Variants in POLE observed in about 807,000 individuals in gnomAD.
POLE encodes the protein DNA polymerase epsilon, catalytic subunit.
In POLE, 188 loss-of-function variants were observed where a neutral mutation model predicts 279.2. The observed-to-expected ratio is 0.67, with a 90% confidence interval of 0.60 to 0.76. The LOEUF is 0.76. Among genes scored for constraint, POLE ranks in the 30% least tolerant of loss-of-function variants. The pLI, the probability that POLE is intolerant of heterozygous loss-of-function variation, is 0.00. For missense variants in POLE, 2,703 were observed against 3,016.7 expected, an observed-to-expected ratio of 0.90 and a Z score of 2.44; for synonymous variants, 1,214 against 1,172.5, an observed-to-expected ratio of 1.04 and a Z score of -0.72.
chr12:132,625,902 G>A (rs1384408482), intron 46 of POLE, 132 bp from the exon 47 acceptor site: 11 of 1,299,036 alleles, frequency 8.5e-6, no homozygotes, highest in East Asian at 2.4e-5. Context: ...GCAGCTGCAC[G>A]CACTCTGGCC....
chr12:132,661,166 TGAA>T lies in POLE; in HGVS notation c.2865-5_2865-3del. ...CCGTCTTCATTGAACACAGCATACC[TGAA>T]AAAAAAAAAAAAGGCAAGCACAGCA... On this transcript the variant is annotated splice_region_variant and splice_polypyrimidine_tract_variant and intron_variant, in intron 24 of 48. Transcript: ENST00000320574. This position sits in a 1 kb window ranked among gnomAD's most constrained non-coding sequence, Gnocchi z 4.1. The T allele has an allele frequency of 6.6e-7, 1 of 1,518,842 alleles. No homozygotes were observed. Among genetic ancestry groups the T allele is most frequent in the Non-Finnish European group, 8.8e-7 (1 of 1,136,368 alleles). 94.1% of individuals were successfully genotyped at this position (1,518,842 alleles called of 1,614,324 possible). A position where few individuals can be genotyped will look rare whatever the true frequency, so the allele number is the denominator to read the frequency against.
In POLE at chr12:132,680,637, G is replaced by A. The variant is rs780854707; in HGVS notation, c.255C>T (p.Tyr85=). Residue 85 remains tyrosine (Y), a synonymous_variant, in exon 3 of 49, where the codon TAC becomes TAT. Transcript: ENST00000320574. Reference sequence around the variant, plus strand: ...ATCTGCTTCCGTCATCTTGAATAAAGTAGTAATCCACTGCACTGCCTAAGC... The same window carrying A: ...ATCTGCTTCCGTCATCTTGAATAAAATAGTAATCCACTGCACTGCCTAAGC... The part of the protein sequence containing the change: ...DKRLGSAVDY[Y]FIQDDGSRFK... 2 of 1,613,994 alleles carry A rather than the reference G, an allele frequency of 1.2e-6. No homozygotes were observed. The highest frequency in any genetic ancestry group is 1.1e-5 in the South Asian group (1 of 91,088).
At position 132,675,335 on chromosome 12, in the gene POLE, A is replaced by C; in HGVS notation, c.1226+63T>G. On this transcript the variant is annotated intron_variant, in intron 12 of 48. Coordinates refer to ENST00000320574, the MANE Select transcript of POLE (RefSeq NM_006231.4). The surrounding 1 kb of genome is among the most constrained non-coding windows in gnomAD (Gnocchi z 4.3). ...GAGATGTGGTGACAGCACAGTCTGC[A>C]AGAGGCCTTCAGATCTCGCTCACGG... The C allele has an allele frequency of 4.4e-6, 7 of 1,583,270 alleles. No individual in the cohort carries two copies. The highest frequency in any genetic ancestry group is 3.5e-5 in the South Asian group (3 of 86,136).
At chr12:132,640,104 C>G (rs1361052336) in intron 39 of POLE, among the ~76,000 whole-genome samples, 1 of 152,144 alleles carries the variant, frequency 6.6e-6, no homozygotes, top group African/African-American at 2.4e-5. Context: ...TTAAATGGAC[C>G]ATTCAGGCGC....
intron 32 of POLE, among the ~76,000 whole-genome samples, chr12:132,645,389 T>TG (rs1450882314): frequency 7.2e-6 from 1 of 138,496 alleles, no homozygotes; most frequent in Admixed American, 7.3e-5. Flanking sequence ...GCTTCGTGTG[T>TG]GGGGGGCTGG....
chr12:132,677,063 A>C (rs1391440501), intron 8 of POLE, among the ~76,000 whole-genome samples: 2 of 152,234 alleles, frequency 1.3e-5, no homozygotes, highest in African/African-American at 4.8e-5. Context: ...TTCTAGTTAC[A>C]AATCCATTTT....
Position 132,667,614 on chromosome 12 carries a change from G to A in POLE, c.2208C>T (p.Ile736=), listed in dbSNP as rs2135970768. 3 of 1,614,120 alleles carry A rather than the reference G, an allele frequency of 1.9e-6. No homozygotes were observed. The highest frequency in any genetic ancestry group is 1.1e-5 in the South Asian group (1 of 91,084). ...YCRKAYKKIH[I]TKVEERLTTI... ...TGGTGAGACGCTCTTCCACCTTGGT[G>A]ATGTGGATCTTCTTGTAGGCTTTCC... Residue 736 remains isoleucine (I), a synonymous_variant, in exon 20 of 49, where the codon ATC becomes ATT. Coordinates refer to ENST00000320574, the MANE Select transcript of POLE (RefSeq NM_006231.4).
In POLE at chr12:132,668,903, T is replaced by C. The variant is rs2042861856; in HGVS notation, c.1831A>G (p.Lys611Glu). The C allele has an allele frequency of 6.2e-7, 1 of 1,614,068 alleles. No homozygotes were observed. The highest frequency in any genetic ancestry group is 8.5e-7 in the Non-Finnish European group (1 of 1,179,992). Residue 611 changes from lysine to glutamate, a missense_variant, in exon 17 of 49, where the codon AAG (lysine) becomes GAG (glutamate). Around this residue, in one of 5 missense-constraint regions of POLE, gnomAD observed 1,011 missense variants for 1,111.7 expected, o/e 0.91. Coordinates refer to ENST00000320574, the MANE Select transcript of POLE (RefSeq NM_006231.4). The surrounding 1 kb of genome is among the most constrained non-coding windows in gnomAD (Gnocchi z 4.0). Reference protein sequence around the residue: ...DEIKSKLASLKDVPSRIECPL... With the variant: ...DEIKSKLASLEDVPSRIECPL... ...CACTCGATGCGGCTGGGAACGTCCTTCAGGGAGGCAAGCTTGCTCTTAATC... is the reference window on the plus strand; with the variant it reads ...CACTCGATGCGGCTGGGAACGTCCTCCAGGGAGGCAAGCTTGCTCTTAATC...
intron 45 of POLE, among the ~76,000 whole-genome samples, chr12:132,626,711 G>C (rs5745061): frequency 0.67 from 101,989 of 151,980 alleles, 35,064 homozygotes; most frequent in African/African-American, 0.81. Context: ...CAAATTGAAT[G>C]CAAGATCGAA....
At position 132,672,828 on chromosome 12, in the gene POLE, C is replaced by T. The variant is rs116062148; in HGVS notation, c.1485G>A (p.Lys495=). ...IPMEPDEVLR[K]GSGTLCEALL... Reference sequence around the variant, plus strand: ...AGGCCTCACACAGAGTGCCAGAGCCCTTCCGCAGCACCTGCAAGAGAAACC... The same window carrying T: ...AGGCCTCACACAGAGTGCCAGAGCCTTTCCGCAGCACCTGCAAGAGAAACC... The change falls in exon 15 of 49, where the codon AAG becomes AAA. Residue 495 remains lysine, a synonymous_variant. Coordinates refer to ENST00000320574, the MANE Select transcript of POLE (RefSeq NM_006231.4). The T allele has an allele frequency of 1.2e-6, 2 of 1,613,954 alleles. No individual in the cohort carries two copies. Among genetic ancestry groups the T allele is most frequent in the East Asian group, 4.5e-5 (2 of 44,870 alleles).
chr12:132,632,289 C>A, intron 45 of POLE, 26 bp downstream of exon 45: 1 of 1,587,946 alleles, frequency 6.3e-7, no homozygotes, highest in Non-Finnish European at 8.6e-7. Flanking sequence ...AGTGTCCTCT[C>A]CTCACACGCA....
intron 1 of POLE, among the ~76,000 whole-genome samples, chr12:132,685,595 G>A (rs1012039402): frequency 1.3e-5 from 2 of 152,236 alleles, no homozygotes; most frequent in Non-Finnish European, 2.9e-5. Context: ...CCTTCCCCCT[G>A]CCTGGAGGCC....
chr12:132,680,236 C>T lies in POLE; in HGVS notation c.286-14G>A. 6.2e-7 allele frequency: 1 copy of T among 1,611,134 alleles called. No individual in the cohort carries two copies. The highest frequency in any genetic ancestry group is 1.1e-5 in the South Asian group (1 of 91,044). On this transcript the variant is annotated splice_polypyrimidine_tract_variant and intron_variant, in intron 3 of 48. Coordinates refer to ENST00000320574, the MANE Select transcript of POLE (RefSeq NM_006231.4). ...GGGCAAAGCCACCTGTTAAGAGTCA[C>T]CAACCCATCCAGGGGTGATGAGAAA...
Position 132,681,275 on chromosome 12 carries a change from C to T in POLE, c.67G>A (p.Asp23Asn), listed in dbSNP as rs970095477. The T allele has an allele frequency of 6.2e-7, 1 of 1,614,036 alleles. No individual in the cohort carries two copies. Among genetic ancestry groups the T allele is most frequent in the Non-Finnish European group, 8.5e-7 (1 of 1,180,016 alleles). Residue 23 changes from aspartate to asparagine, a missense_variant, in exon 2 of 49, where the codon GAT becomes AAT. Coordinates refer to ENST00000320574, the MANE Select transcript of POLE (RefSeq NM_006231.4). Reference sequence around the variant, plus strand: ...GCCGAAACTGAGGAAGTGGCGCCATCATCCCTGAGTGAAAGAAGGGAACCC... The same window carrying T: ...GCCGAAACTGAGGAAGTGGCGCCATTATCCCTGAGTGAAAGAAGGGAACCC... ...PGADGEASRD[D>N]GATSSVSALK...
Position 132,677,564 on chromosome 12 carries a change from C to A in POLE, c.720+14G>T, listed in dbSNP as rs760736134. ...AAATTCATGTGAGCAGCGACCCAAC[C>A]CTGCCCCACTCACCACGTGGATCTT... On this transcript the variant is annotated intron_variant, in intron 7 of 48. Coordinates refer to ENST00000320574, the MANE Select transcript of POLE (RefSeq NM_006231.4). 2 of 1,614,120 alleles carry A rather than the reference C, an allele frequency of 1.2e-6. No homozygotes were observed. Among genetic ancestry groups the A allele is most frequent in the Non-Finnish European group, 8.5e-7 (1 of 1,179,966 alleles).
rs1274951129 is a variant in POLE at position 132,657,954 on chromosome 12, T to C, written c.3292A>G (p.Ile1098Val). 2 of 1,613,374 alleles carry C rather than the reference T, an allele frequency of 1.2e-6. No individual in the cohort carries two copies. The highest frequency in any genetic ancestry group is 1.7e-6 in the Non-Finnish European group (2 of 1,179,464). ...PVTERAIPLA[I>V]FQAEPTVRKH... ...CTCACCGTGGGCTCTGCTTGGAAAA[T>C]GGCAAGTGGGATGGCCCTGGGTAAG... Residue 1098 changes from isoleucine to valine, a missense_variant, in exon 27 of 49, where the codon ATT (isoleucine) becomes GTT (valine). Around this residue, in one of 5 missense-constraint regions of POLE, gnomAD observed 1,551 missense variants for 1,686.1 expected, o/e 0.92. Coordinates refer to ENST00000320574, the MANE Select transcript of POLE (RefSeq NM_006231.4).
rs773828922 is a variant in POLE at position 132,632,633 on chromosome 12, C to T, written c.6136+31G>A. On this transcript the variant is annotated intron_variant, in intron 44 of 48. Transcript: ENST00000320574. ...GAGGAGTTAGGTCACTGGCACATGGCAGTGGCCTCAAAAGACAAAAGACTG... is the reference window on the plus strand; with the variant it reads ...GAGGAGTTAGGTCACTGGCACATGGTAGTGGCCTCAAAAGACAAAAGACTG... 5.0e-6 allele frequency: 8 copies of T among 1,613,626 alleles called. No individual in the cohort carries two copies. In the East Asian group the frequency reaches 1.3e-4, roughly 27 times the overall value.
rs750269574 is a variant in POLE, at chr12:132,659,519, G to C, written c.3061-10C>G. 2.5e-6 allele frequency: 4 copies of C among 1,611,366 alleles called. No homozygotes were observed. Among genetic ancestry groups the C allele is most frequent in the Non-Finnish European group, 3.4e-6 (4 of 1,177,762 alleles). ...CAGGCATGTTGGCTGCCTAGAGAAAGACAATGGGTAAAACACTGCAGAAAT... is the reference window on the plus strand; with the variant it reads ...CAGGCATGTTGGCTGCCTAGAGAAACACAATGGGTAAAACACTGCAGAAAT... On this transcript the variant is annotated splice_polypyrimidine_tract_variant and intron_variant, in intron 25 of 48. Coordinates refer to ENST00000320574, the MANE Select transcript of POLE (RefSeq NM_006231.4).
rs539070649 is a variant in POLE at position 132,652,096 on chromosome 12, A to T, written c.3583-2207T>A. On this transcript the variant is annotated intron_variant, in intron 29 of 48. Transcript: ENST00000320574. The stretch of plus-strand genomic sequence containing the variant: ...TTGACTTCCTATCAGGAAAGTTTTC[A>T]AACATACACGAAAGCACAGTAATGA... 5.3e-5 allele frequency among the ~76,000 whole-genome samples: 8 copies of T among 152,296 alleles called. No homozygotes were observed. The South Asian group carries it at 1.7e-3, about 32-fold the overall frequency.
Sources: gnomAD v4.1 joint callset for allele counts (sites outside exome capture counted in the v4.1 genomes callset) on GRCh38, gnomAD v4.1.1 for gene constraint, gnomAD v4.1.1 regional missense constraint, Gnocchi (gnomAD v3.1) non-coding constraint, MANE v1.5 for transcripts, NCBI Gene and HGNC (gene_info 2026-07-23, HGNC 2026-07-21) for gene names.